The following AGBL1 variants were observed in gnomAD, a reference collection of about 807,000 sequenced individuals.
AGBL1 encodes AGBL carboxypeptidase 1.
AGBL1 carries 130 observed loss-of-function variants against 118.9 expected under a neutral mutation model. That is an observed-to-expected ratio of 1.09 (90% CI 0.95 to 1.26). The LOEUF (loss-of-function observed/expected upper bound fraction) is 1.26. Among genes scored for constraint, AGBL1 ranks in the 50% most tolerant of loss-of-function variants. The probability of loss-of-function intolerance (pLI) is 0.00; values close to 1 mark genes in which losing one functional copy is unlikely to be tolerated. For synonymous variants in AGBL1, 555 were observed against 478.9 expected, an observed-to-expected ratio of 1.16 and a Z score of -2.08; for missense variants, 1,584 against 1,298.1, an observed-to-expected ratio of 1.22 and a Z score of -3.38.
chr15:86,872,017 T>A lies in AGBL1; in HGVS notation c.3159-35070T>A, dbSNP rs28666686. 3.4e-3 allele frequency among the ~76,000 whole-genome samples: 523 copies of A among 152,348 alleles called. 3 individuals carry two copies. The highest frequency in any genetic ancestry group is 0.012 in the African/African-American group (500 of 41,586). On this transcript the variant is annotated intron_variant, in intron 22 of 22. Coordinates refer to ENST00000614907, the MANE Select transcript of AGBL1 (RefSeq NM_001386094.1). Reference sequence around the variant, plus strand: ...TCATATCTCCATTTTCTCATTCAGATGAGAAAATGCTTTAAGTGATGCTGA... The same window carrying A: ...TCATATCTCCATTTTCTCATTCAGAAGAGAAAATGCTTTAAGTGATGCTGA...
intron 21 of AGBL1, among the ~76,000 whole-genome samples, chr15:86,669,191 G>A (rs16977912): frequency 0.068 from 10,303 of 152,142 alleles, 478 homozygotes; most frequent in South Asian, 0.089. Context: ...TCAAACTACT[G>A]TACGATGCCC....
At chr15:86,872,606 A>G (rs2079745610) in intron 22 of AGBL1, among the ~76,000 whole-genome samples, 1 of 152,100 alleles carries the variant, frequency 6.6e-6, no homozygotes, top group Admixed American at 6.5e-5. Context: ...ATAGAAAAAA[A>G]TTAGCTGGGT....
At position 86,677,804 on chromosome 15, in the gene AGBL1, GA is replaced by G. The variant is rs200119545; in HGVS notation, c.3158+3376del. On this transcript the variant is annotated intron_variant, in intron 22 of 22. Transcript: ENST00000614907. ...GAATAAAAATTCTACATAGATATTA[GA>G]AAAAAAAGTTTAATAATTAAAAAGG... Among the ~76,000 whole-genome samples the G allele has an allele frequency of 8.8e-3, 1,333 of 151,610 alleles. 15 individuals carry two copies. Among genetic ancestry groups the G allele is most frequent in the African/African-American group, 0.03 (1,229 of 41,396 alleles).
rs199539728 is a variant in AGBL1, at chr15:86,264,695, C to T, written c.1524C>T (p.Phe508=). 11 of 1,614,002 alleles carry T rather than the reference C, an allele frequency of 6.8e-6. No individual in the cohort carries two copies. In the East Asian group the frequency reaches 2.0e-4, roughly 29 times the overall value. Reference sequence around the variant, plus strand: ...AGACACATCTGAAGCGTGTCCCTTTCCACGATCCCTATCTTTATATGGCCA... The same window carrying T: ...AGACACATCTGAAGCGTGTCCCTTTTCACGATCCCTATCTTTATATGGCCA... The part of the protein sequence containing the change: ...LLQTHLKRVP[F]HDPYLYMAKA... Residue 508 remains phenylalanine (F), a synonymous_variant, in exon 11 of 23, where the codon TTC becomes TTT. Transcript: ENST00000614907.
intron 5 of AGBL1, among the ~76,000 whole-genome samples, chr15:86,179,686 T>C (rs1025283262): frequency 6.6e-6 from 1 of 152,186 alleles, no homozygotes; most frequent in Admixed American, 6.5e-5. Flanking sequence ...TTTAACATTA[T>C]ACTGGCGATT....
intron 24 of AGBL1, among the ~76,000 whole-genome samples, chr15:87,004,216 G>A (rs1201465646): frequency 1.3e-5 from 2 of 151,986 alleles, no homozygotes; most frequent in African/African-American, 2.4e-5. Context: ...CCTTCATTTC[G>A]TTATATACCC....
intron 1 of AGBL1, among the ~76,000 whole-genome samples, chr15:86,108,963 ACAAACAAT>A (rs1897209799): frequency 6.6e-6 from 1 of 152,170 alleles, no homozygotes; most frequent in South Asian, 2.1e-4. Flanking sequence ...TCTCAAACAA[ACAAACAAT>A]CAAACAAACA....
intron 18 of AGBL1, among the ~76,000 whole-genome samples, chr15:86,456,649 G>C (rs565000763): frequency 6.6e-6 from 1 of 152,176 alleles, no homozygotes; most frequent in African/African-American, 2.4e-5. Context: ...TTCAGAAGAG[G>C]TCTGATAAAA....
intron 23 of AGBL1, among the ~76,000 whole-genome samples, chr15:86,940,423 T>C (rs2080735973): frequency 6.6e-6 from 1 of 152,262 alleles, no homozygotes; most frequent in South Asian, 2.1e-4. Context: ...CTCTGAGTGA[T>C]CAGGCACTCA....
At chr15:86,157,449 C>G (rs2141701532) in intron 4 of AGBL1, among the ~76,000 whole-genome samples, 1 of 152,260 alleles carries the variant, frequency 6.6e-6, no homozygotes, top group East Asian at 1.9e-4. Flanking sequence ...AACTTGCCTT[C>G]CTTAAATATA....
intron 5 of AGBL1, among the ~76,000 whole-genome samples, chr15:86,189,181 C>G (rs929994759): frequency 6.6e-6 from 1 of 152,148 alleles, no homozygotes; most frequent in African/African-American, 2.4e-5. Flanking sequence ...TGCTTTAAAA[C>G]CATTTTCCCT....
intron 22 of AGBL1, among the ~76,000 whole-genome samples, chr15:86,711,455 C>T (rs917247629): frequency 2.6e-5 from 4 of 152,124 alleles, no homozygotes; most frequent in Non-Finnish European, 4.4e-5. Context: ...GGGTGCTTTT[C>T]TTGTTTATAG....
At chr15:86,638,408 C>G (rs2085136373) in intron 21 of AGBL1, among the ~76,000 whole-genome samples, 1 of 152,134 alleles carries the variant, frequency 6.6e-6, no homozygotes, top group African/African-American at 2.4e-5. Flanking sequence ...ATCACCTGGT[C>G]CATTTCAAGA....
chr15:86,185,279 A>T (rs1034539994), intron 5 of AGBL1, among the ~76,000 whole-genome samples: 7 of 152,186 alleles, frequency 4.6e-5, no homozygotes, highest in Admixed American at 4.6e-4. Flanking sequence ...AGGATGTGGC[A>T]AAATAAGAAC....
At chr15:86,893,433 G>A (rs1183514965) in intron 22 of AGBL1, among the ~76,000 whole-genome samples, 2 of 152,166 alleles carry the variant, frequency 1.3e-5, no homozygotes, top group Non-Finnish European at 1.5e-5. Flanking sequence ...TTAGCATGCA[G>A]AATTATTTTT....
At chr15:86,348,365 C>CA (rs1054281213) in intron 17 of AGBL1, among the ~76,000 whole-genome samples, 5 of 152,234 alleles carry the variant, frequency 3.3e-5, no homozygotes, top group African/African-American at 9.6e-5. Context: ...ATGCAGCTCA[C>CA]AAAAATATCT....
chr15:86,105,658 G>T (rs541422584), intron 1 of AGBL1, among the ~76,000 whole-genome samples: 1 of 152,248 alleles, frequency 6.6e-6, no homozygotes, highest in East Asian at 1.9e-4. Context: ...TCTATTTTCC[G>T]GGTCACAGGG....
At chr15:86,539,094 C>G (rs1314297900) in intron 19 of AGBL1, among the ~76,000 whole-genome samples, 2 of 152,030 alleles carry the variant, frequency 1.3e-5, no homozygotes, top group African/African-American at 4.8e-5. Flanking sequence ...CAATCCATAC[C>G]TTCCTGATGA....
chr15:86,249,134 T>C (rs2078767790), intron 7 of AGBL1, among the ~76,000 whole-genome samples: 2 of 152,168 alleles, frequency 1.3e-5, no homozygotes, highest in Admixed American at 1.3e-4. Flanking sequence ...ATGCCCTCCT[T>C]ATTGGTGATA....
Sources: gnomAD v4.1 joint callset for allele counts (sites outside exome capture counted in the v4.1 genomes callset) on GRCh38, gnomAD v4.1.1 for gene constraint, MANE v1.5 for transcripts, NCBI Gene and HGNC (gene_info 2026-07-23, HGNC 2026-07-21) for gene names.